PPP2R2C: variants seen among roughly 807,000 people sequenced by gnomAD.
PPP2R2C encodes the protein protein phosphatase 2, regulatory subunit B, gamma.
A neutral mutation model predicts 45.3 loss-of-function variants in PPP2R2C; 10 were observed. That is an observed-to-expected ratio of 0.22 (90% confidence interval 0.14 to 0.37). The LOEUF is 0.37. PPP2R2C is among the 10% of genes least tolerant of loss of function. The probability of loss-of-function intolerance (pLI) is 1.00; values close to 1 mark genes in which losing one functional copy is unlikely to be tolerated. For synonymous variants in PPP2R2C, 257 were observed against 245.4 expected (o/e 1.05, Z -0.44); for missense variants, 308 against 619.7 (o/e 0.50, Z 5.34).
At chr4:6,349,049 C>T (rs1712283170) in intron 5 of PPP2R2C, 1 of 985,446 alleles carries the variant, frequency 1.0e-6, no homozygotes, top group African/African-American at 1.7e-5. Context: ...CTATCCCTTC[C>T]CTGCTGCCCA....
At position 6,321,272 on chromosome 4, in the gene PPP2R2C, A is replaced by T. The variant is rs940072920; in HGVS notation, c.*2030T>A. 2 of 152,458 alleles carry T rather than the reference A, an allele frequency of 1.3e-5. No homozygotes were observed. The highest frequency in any genetic ancestry group is 4.8e-5 in the African/African-American group (2 of 41,474). 9.4% of individuals were successfully genotyped at this position (152,458 alleles called of 1,614,324 possible). ...TCACAAAGGGAGATGGATCGTAGCAAATATCCAAGTAATGGGTAAGGCCCT... is the reference window on the plus strand; with the variant it reads ...TCACAAAGGGAGATGGATCGTAGCATATATCCAAGTAATGGGTAAGGCCCT... On this transcript the variant is annotated 3_prime_UTR_variant, in exon 9 of 9. Transcript: ENST00000382599.
At chr4:6,534,471 AAC>A (rs1560607825) in intron 2 of PPP2R2C, among the ~76,000 whole-genome samples, 2 of 151,592 alleles carry the variant, frequency 1.3e-5, no homozygotes, top group African/African-American at 4.9e-5. Context: ...CACACACCCT[AAC>A]ACACATACTC....
At chr4:6,536,198 G>A (rs1466581459) in intron 1 of PPP2R2C, among the ~76,000 whole-genome samples, 1 of 152,170 alleles carries the variant, frequency 6.6e-6, no homozygotes, top group Non-Finnish European at 1.5e-5. Context: ...CCGGGATTAT[G>A]GAAGGAAACA....
chr4:6,539,056 G>C (rs1460524043), intron 1 of PPP2R2C, among the ~76,000 whole-genome samples: 1 of 152,064 alleles, frequency 6.6e-6, no homozygotes, highest in Non-Finnish European at 1.5e-5. Flanking sequence ...GATCTTATTT[G>C]GAAATAGGGT....
intron 1 of PPP2R2C, among the ~76,000 whole-genome samples, chr4:6,465,788 G>A (rs1171031801): frequency 6.6e-6 from 1 of 152,090 alleles, no homozygotes; most frequent in African/African-American, 2.4e-5. Context: ...GTTATATTTC[G>A]CATATGGATT....
At chr4:6,535,033 C>T (rs978847665) in intron 2 of PPP2R2C, among the ~76,000 whole-genome samples, 3 of 152,210 alleles carry the variant, frequency 2.0e-5, no homozygotes, top group Non-Finnish European at 4.4e-5. Context: ...AAGGGGGCCT[C>T]ACCCATCGGC....
At chr4:6,486,662 C>T (rs998781866) in intron 2 of PPP2R2C, among the ~76,000 whole-genome samples, 1 of 151,940 alleles carries the variant, frequency 6.6e-6, no homozygotes, top group African/African-American at 2.4e-5. Context: ...TTAATATAGC[C>T]ACTGCAGCTT....
chr4:6,417,767 G>A (rs2109385532), intron 1 of PPP2R2C, among the ~76,000 whole-genome samples: 2 of 152,334 alleles, frequency 1.3e-5, no homozygotes. Context: ...AACCTCGGCT[G>A]CGTGGGGGGC....
intron 2 of PPP2R2C, among the ~76,000 whole-genome samples, chr4:6,487,876 AT>A (rs1722577263): frequency 6.6e-6 from 1 of 152,108 alleles, no homozygotes; most frequent in Non-Finnish European, 1.5e-5. Flanking sequence ...TCTCAACTCA[AT>A]GAGAAAGTCT....
At chr4:6,338,093 G>A (rs1397789159) in intron 6 of PPP2R2C, among the ~76,000 whole-genome samples, 1 of 151,734 alleles carries the variant, frequency 6.6e-6, no homozygotes, top group East Asian at 1.9e-4. Flanking sequence ...AGAGATAAGG[G>A]GTCTCCCCTC....
chr4:6,513,952 T>G (rs1185382660), intron 2 of PPP2R2C, among the ~76,000 whole-genome samples: 1 of 152,200 alleles, frequency 6.6e-6, no homozygotes, highest in Non-Finnish European at 1.5e-5. Context: ...GGAAATAAAT[T>G]AAATCAACAC....
At chr4:6,382,255 G>A in intron 1 of PPP2R2C, 2 of 1,232,534 alleles carry the variant, frequency 1.6e-6, no homozygotes, top group Admixed American at 2.7e-5. Flanking sequence ...CCGCTGCTGT[G>A]AATGGGACCT....
At chr4:6,515,067 A>G (rs1723788765) in intron 2 of PPP2R2C, among the ~76,000 whole-genome samples, 2 of 152,018 alleles carry the variant, frequency 1.3e-5, no homozygotes, top group African/African-American at 4.8e-5. Context: ...CAACTTCCAC[A>G]TGAGGCCACA....
chr4:6,451,571 C>T (rs796454962), intron 1 of PPP2R2C, among the ~76,000 whole-genome samples: 25 of 152,266 alleles, frequency 1.6e-4, no homozygotes, highest in African/African-American at 6.0e-4. Flanking sequence ...GTTATAAATC[C>T]ATCCAGCCTG....
Position 6,414,168 on chromosome 4 carries a change from C to G in PPP2R2C, c.71-33074G>C, listed in dbSNP as rs1353659704. On this transcript the variant is annotated intron_variant, in intron 1 of 8. Transcript: ENST00000382599. ...AAGAAACAAAATACGGCCTAGTATG[C>G]CTTTTTCCTCCTCCTGGCTGGAGCT... 3 of 973,686 alleles carry G rather than the reference C, an allele frequency of 3.1e-6. No individual in the cohort carries two copies. The East Asian group carries it at 9.4e-5, about 30-fold the overall frequency. 60.3% of individuals were successfully genotyped at this position (973,686 alleles called of 1,614,324 possible).
intron 1 of PPP2R2C, among the ~76,000 whole-genome samples, chr4:6,562,682 C>T (rs1426974294): frequency 6.6e-6 from 1 of 152,170 alleles, no homozygotes; most frequent in Admixed American, 6.5e-5. Flanking sequence ...TCTGCCACAA[C>T]CTTGCCCGCT....
intron 1 of PPP2R2C, among the ~76,000 whole-genome samples, chr4:6,540,598 G>C (rs891505391): frequency 1.3e-5 from 2 of 152,262 alleles, no homozygotes; most frequent in African/African-American, 2.4e-5. Flanking sequence ...CCTAGGAGTA[G>C]AATTGCTGGG....
At chr4:6,562,166 G>A (rs1041665673) in intron 1 of PPP2R2C, among the ~76,000 whole-genome samples, 4 of 152,206 alleles carry the variant, frequency 2.6e-5, no homozygotes, top group Non-Finnish European at 5.9e-5. Flanking sequence ...TGGTCAGAGT[G>A]CGGGGGACAA....
At chr4:6,463,475 A>G (rs1175849553) in intron 1 of PPP2R2C, among the ~76,000 whole-genome samples, 1 of 152,232 alleles carries the variant, frequency 6.6e-6, no homozygotes, top group East Asian at 1.9e-4. Flanking sequence ...ACCTCTGAGC[A>G]GCCTTTGTTC....
Sources: allele counts gnomAD v4.1 joint callset (sites outside exome capture counted in the v4.1 genomes callset), GRCh38; gene constraint gnomAD v4.1.1; transcripts MANE v1.5; gene names NCBI Gene and HGNC (gene_info 2026-07-23, HGNC 2026-07-21).